The following TMEM135 variants were observed in gnomAD, a reference collection of about 807,000 sequenced individuals.
TMEM135 encodes peroxisomal membrane protein 52.
Under a neutral mutation model 60.3 loss-of-function variants are expected in TMEM135, and 30 were observed. That is an observed-to-expected ratio of 0.50 (90% confidence interval 0.37 to 0.68). The LOEUF is 0.68. Ranked by LOEUF, TMEM135 falls within the 30% of genes least tolerant of loss-of-function variation. TMEM135 has a pLI of 0.00. For missense variants in TMEM135, 468 were observed against 548.8 expected, an observed-to-expected ratio of 0.85 and a Z score of 1.47; for synonymous variants, 190 against 186.7, an observed-to-expected ratio of 1.02 and a Z score of -0.14.
At chr11:87,042,189 A>C (rs985072770) in intron 1 of TMEM135, among the ~76,000 whole-genome samples, 1 of 152,252 alleles carries the variant, frequency 6.6e-6, no homozygotes, top group Admixed American at 6.5e-5. Flanking sequence ...CTATGTAGAA[A>C]TGTGATTGGA....
chr11:87,176,012 T>C (rs530010784), intron 5 of TMEM135, among the ~76,000 whole-genome samples: 115 of 152,320 alleles, frequency 7.5e-4, no homozygotes, highest in African/African-American at 2.6e-3. Flanking sequence ...TTTTACCATT[T>C]TGTTTGCACA....
At chr11:87,116,857 C>G (rs1240831854) in intron 4 of TMEM135, among the ~76,000 whole-genome samples, 1 of 151,486 alleles carries the variant, frequency 6.6e-6, no homozygotes, top group Non-Finnish European at 1.5e-5. Flanking sequence ...AAATTTCACT[C>G]TGTCTCCCAG....
chr11:87,163,926 T>G (rs1357649887), intron 5 of TMEM135, among the ~76,000 whole-genome samples: 1 of 148,806 alleles, frequency 6.7e-6, no homozygotes, highest in African/African-American at 2.5e-5. Flanking sequence ...TCATTGTAGA[T>G]TCTGGATATT....
intron 9 of TMEM135, among the ~76,000 whole-genome samples, chr11:87,307,119 A>G (rs4545589): frequency 0.35 from 53,808 of 151,914 alleles, 10,329 homozygotes; most frequent in African/African-American, 0.5. Flanking sequence ...GATGAGAAGA[A>G]CAGAGTTGTG....
intron 5 of TMEM135, among the ~76,000 whole-genome samples, chr11:87,216,696 T>C (rs953014990): frequency 8.5e-5 from 13 of 152,224 alleles, no homozygotes; most frequent in African/African-American, 3.1e-4. Flanking sequence ...GTTTTGGATA[T>C]GTGATGTTAA....
chr11:87,326,928 T>TTTC lies in TMEM135; in HGVS notation c.*5596_*5598dup, dbSNP rs758760884. 9.2e-6 allele frequency: 4 copies of TTTC among 433,278 alleles called. No individual in the cohort carries two copies. The highest frequency in any genetic ancestry group is 8.3e-5 in the African/African-American group (4 of 47,936). The allele number at this position is 433,278 out of a possible 1,614,324, so 26.8% of individuals were successfully genotyped here. The stretch of plus-strand genomic sequence containing the variant: ...CTGAGGACCTTTTTTTTTTTTTTTT[T>TTTC]TTCACTAAAACGCTTCCTATAACTT... On this transcript the variant is annotated 3_prime_UTR_variant, in exon 15 of 15. Transcript: ENST00000305494.
intron 1 of TMEM135, among the ~76,000 whole-genome samples, chr11:87,041,978 G>C (rs920013395): frequency 6.6e-6 from 1 of 152,240 alleles, no homozygotes; most frequent in South Asian, 2.1e-4. Flanking sequence ...AGACAAGCTG[G>C]TGTAGGGACC....
intron 5 of TMEM135, among the ~76,000 whole-genome samples, chr11:87,222,002 C>T (rs1352244492): frequency 6.6e-6 from 1 of 151,490 alleles, no homozygotes. Flanking sequence ...TCGAGACCAT[C>T]GAAACCCCGT....
intron 4 of TMEM135, among the ~76,000 whole-genome samples, chr11:87,135,412 T>C (rs1378307102): frequency 6.6e-6 from 1 of 152,094 alleles, no homozygotes; most frequent in Non-Finnish European, 1.5e-5. Context: ...TTGTGTAAAG[T>C]ATCGATCACA....
At chr11:87,245,279 T>C (rs1301685087) in intron 6 of TMEM135, among the ~76,000 whole-genome samples, 1 of 149,796 alleles carries the variant, frequency 6.7e-6, no homozygotes, top group Non-Finnish European at 1.5e-5. Context: ...ACGTATGTGG[T>C]CAATTTTGGA....
rs111621326 is a variant in TMEM135, at chr11:87,070,383, G to A, written c.270-1140G>A. On this transcript the variant is annotated intron_variant, in intron 2 of 14. Coordinates refer to ENST00000305494, the MANE Select transcript of TMEM135 (RefSeq NM_022918.4). Reference sequence around the variant, plus strand: ...TCTTAAAAAACCTGCGTTGGCTCACGCCTGTAATCCCAGCACTTTGGGGGG... The same window carrying A: ...TCTTAAAAAACCTGCGTTGGCTCACACCTGTAATCCCAGCACTTTGGGGGG... Among the ~76,000 whole-genome samples the A allele has an allele frequency of 9.9e-3, 1,502 of 151,746 alleles. 22 individuals carry two copies. The highest frequency in any genetic ancestry group is 0.035 in the African/African-American group (1,434 of 41,370).
chr11:87,155,070 C>T (rs922706569), intron 4 of TMEM135, among the ~76,000 whole-genome samples: 1 of 120,734 alleles, frequency 8.3e-6, no homozygotes, highest in Non-Finnish European at 1.8e-5. Flanking sequence ...GCGATCTTGG[C>T]TCACTGCAAC....
Position 87,037,985 on chromosome 11 carries a change from G to A in TMEM135, c.-61G>A. On this transcript the variant is annotated 5_prime_UTR_variant, in exon 1 of 15. Transcript: ENST00000305494. ...GCGAGAGGCTGGCGGCTGGGCTCTC[G>A]CGCCCCTCCCTGCAGGGCTCAGGCT... The A allele has an allele frequency of 2.5e-6, 4 of 1,608,160 alleles. No homozygotes were observed. The highest frequency in any genetic ancestry group is 2.5e-6 in the Non-Finnish European group (3 of 1,179,438).
intron 6 of TMEM135, among the ~76,000 whole-genome samples, chr11:87,268,872 G>C (rs1010190283): frequency 6.6e-6 from 1 of 152,096 alleles, no homozygotes; most frequent in Non-Finnish European, 1.5e-5. Flanking sequence ...CTAAGTTTCA[G>C]ATAGCATCTA....
At chr11:87,265,158 A>G (rs1345670871) in intron 6 of TMEM135, among the ~76,000 whole-genome samples, 2 of 151,980 alleles carry the variant, frequency 1.3e-5, no homozygotes, top group Non-Finnish European at 2.9e-5. Flanking sequence ...AGCTAGAACA[A>G]ATAATATTTA....
At chr11:87,127,914 T>C (rs748340946) in intron 4 of TMEM135, among the ~76,000 whole-genome samples, 5 of 152,220 alleles carry the variant, frequency 3.3e-5, no homozygotes, top group Non-Finnish European at 7.3e-5. Context: ...AATACAATAA[T>C]GTACATGTGG....
At chr11:87,252,843 A>G (rs1941447738) in intron 6 of TMEM135, among the ~76,000 whole-genome samples, 1 of 144,436 alleles carries the variant, frequency 6.9e-6, no homozygotes, top group Non-Finnish European at 1.5e-5. Flanking sequence ...TTATATATAG[A>G]CAAGGACAAA....
intron 7 of TMEM135, among the ~76,000 whole-genome samples, chr11:87,299,562 G>A (rs1472132542): frequency 6.6e-6 from 1 of 152,156 alleles, no homozygotes; most frequent in Non-Finnish European, 1.5e-5. Flanking sequence ...AATACAGGAG[G>A]TACAAAGCTA....
intron 4 of TMEM135, among the ~76,000 whole-genome samples, chr11:87,138,088 CTTTT>C (rs10671410): frequency 5.1e-5 from 7 of 137,928 alleles, no homozygotes; most frequent in African/African-American, 1.3e-4. Context: ...AAGTTGATTT[CTTTT>C]TTTTTTTTTT....
Sources: allele counts gnomAD v4.1 joint callset (sites outside exome capture counted in the v4.1 genomes callset), GRCh38; gene constraint gnomAD v4.1.1; transcripts MANE v1.5; gene names NCBI Gene and HGNC (gene_info 2026-07-23, HGNC 2026-07-21).